Variants in ZNF626 observed in about 807,000 individuals in gnomAD.
ZNF626 encodes the protein CTC-513N18.7.
ZNF626 carries 4 observed loss-of-function variants against 11.7 expected under a neutral mutation model. That is an observed-to-expected ratio of 0.34 (90% CI 0.17 to 0.78). The LOEUF is 0.78. Ranked by LOEUF, ZNF626 falls within the 30% of genes least tolerant of loss-of-function variation. The pLI, the probability that ZNF626 is intolerant of heterozygous loss-of-function variation, is 0.57. For missense variants in ZNF626, 588 were observed against 587.1 expected (o/e 1.00, Z -0.01); for synonymous variants, 179 against 198.6 (o/e 0.90, Z 0.83).
At chr19:20,636,627 C>A (rs566036088) in intron 3 of ZNF626, among the ~76,000 whole-genome samples, 23 of 150,890 alleles carry the variant, frequency 1.5e-4, no homozygotes, top group Non-Finnish European at 3.1e-4. Context: ...ACCAGTAATA[C>A]TCGATTCAAA....
chr19:20,626,200 T>C (rs1234552469), intron 3 of ZNF626, among the ~76,000 whole-genome samples: 1 of 152,044 alleles, frequency 6.6e-6, no homozygotes, highest in African/African-American at 2.4e-5. Flanking sequence ...AGGTGGAGGT[T>C]ACAGTGAGCT....
intron 3 of ZNF626, among the ~76,000 whole-genome samples, chr19:20,632,197 G>A (rs1414249222): frequency 6.6e-6 from 1 of 152,156 alleles, no homozygotes; most frequent in Non-Finnish European, 1.5e-5. Context: ...GATAACCCGA[G>A]CTTTCTCTCT....
intron 3 of ZNF626, among the ~76,000 whole-genome samples, chr19:20,627,953 C>T (rs1969859008): frequency 1.3e-5 from 2 of 152,210 alleles, no homozygotes; most frequent in East Asian, 1.9e-4. Flanking sequence ...CAACAGTCCC[C>T]GGTGTGTGAT....
At chr19:20,648,365 C>A (rs1180859995) in intron 1 of ZNF626, among the ~76,000 whole-genome samples, 1 of 133,234 alleles carries the variant, frequency 7.5e-6, no homozygotes. Flanking sequence ...GCATTTTCTT[C>A]TTCTTCTTCT....
chr19:20,625,625 G>A lies in ZNF626; in HGVS notation c.252C>T (p.Asp84=), dbSNP rs1555769572. 7.7e-6 allele frequency: 12 copies of A among 1,552,056 alleles called. No homozygotes were observed. Among genetic ancestry groups the A allele is most frequent in the South Asian group, 1.3e-5 (1 of 79,460 alleles). The change falls in exon 4 of 4, where the codon GAC becomes GAT. Residue 84 remains aspartate (D), a synonymous_variant. Transcript: ENST00000601440. The stretch of plus-strand genomic sequence containing the variant: ...CTTTCATGCTCTGCTCTGGCCAAAG[G>A]TCTTGGGCAAAATGAGAACACATTA... ...PSVMCSHFAQ[D]LWPEQSMKDS... is the part of the protein sequence containing the mutation.
Position 20,624,635 on chromosome 19 carries a change from T to C in ZNF626, c.1242A>G (p.Thr414=), listed in dbSNP as rs946968475. 1 of 1,590,466 alleles carries C rather than the reference T, an allele frequency of 6.3e-7. No homozygotes were observed. The highest frequency in any genetic ancestry group is 8.6e-7 in the Non-Finnish European group (1 of 1,164,070). The change falls in exon 4 of 4, where the codon ACA becomes ACG. Residue 414 remains threonine, a synonymous_variant. Coordinates refer to ENST00000601440, the MANE Select transcript of ZNF626 (RefSeq NM_001076675.3). ...KAFKYSSNLT[T]HKKIHTGERP... ...TCTCTCCAGTATGAATTTTCTTATG[T>C]GTAGTAAGGTTAGAGGAGTACTTAA...
At chr19:20,646,668 A>T (rs1970082434) in intron 1 of ZNF626, among the ~76,000 whole-genome samples, 2 of 152,232 alleles carry the variant, frequency 1.3e-5, no homozygotes, top group Admixed American at 6.5e-5. Flanking sequence ...GAACAGGAAC[A>T]TGTAAATTTT....
At chr19:20,634,871 A>G (rs1555770786) in intron 3 of ZNF626, among the ~76,000 whole-genome samples, 1 of 152,140 alleles carries the variant, frequency 6.6e-6, no homozygotes, top group African/African-American at 2.4e-5. Flanking sequence ...TCAAAAAGCT[A>G]CAGAATTAAA....
chr19:20,648,831 C>G lies in ZNF626; in HGVS notation c.4-2426G>C, dbSNP rs914929828. 2.0e-5 allele frequency among the ~76,000 whole-genome samples: 3 copies of G among 152,174 alleles called. No individual in the cohort carries two copies. The South Asian group carries it at 6.2e-4, about 32-fold the overall frequency. ...CCATGTTCAACAGCCACAAAGGGAA[C>G]ATTTTTAATATTGCAGATCATAAAT... On this transcript the variant is annotated intron_variant, in intron 1 of 3. Coordinates refer to ENST00000601440, the MANE Select transcript of ZNF626 (RefSeq NM_001076675.3).
chr19:20,633,286 G>A (rs1468586589), intron 3 of ZNF626, among the ~76,000 whole-genome samples: 1 of 151,978 alleles, frequency 6.6e-6, no homozygotes, highest in Non-Finnish European at 1.5e-5. Flanking sequence ...GCTGCATGCT[G>A]GGAGAACCAC....
intron 3 of ZNF626, among the ~76,000 whole-genome samples, chr19:20,632,263 T>A (rs1156950388): frequency 6.6e-6 from 1 of 152,166 alleles, no homozygotes; most frequent in Non-Finnish European, 1.5e-5. Context: ...GACAATTATG[T>A]GTCTTGGAAT....
chr19:20,634,964 G>A (rs1969951008), intron 3 of ZNF626, among the ~76,000 whole-genome samples: 1 of 152,176 alleles, frequency 6.6e-6, no homozygotes, highest in Non-Finnish European at 1.5e-5. Context: ...CATAATTATT[G>A]CAGCATTGTT....
chr19:20,647,014 T>C (rs1970087410), intron 1 of ZNF626, among the ~76,000 whole-genome samples: 1 of 143,542 alleles, frequency 7.0e-6, no homozygotes, highest in South Asian at 2.2e-4. Flanking sequence ...CACCCGGTAA[T>C]TTTTTTCGTA....
In ZNF626 at chr19:20,622,744, ACT is replaced by A. The variant is rs1233314618; in HGVS notation, c.*1544_*1545del. 9 of 151,986 alleles carry A rather than the reference ACT, an allele frequency of 5.9e-5. No individual in the cohort carries two copies. Among genetic ancestry groups the A allele is most frequent in the African/African-American group, 9.7e-5 (4 of 41,384 alleles). 9.4% of individuals were successfully genotyped at this position (151,986 alleles called of 1,614,324 possible). ...TTGTGAATTCATTTATATACTCAAC[ACT>A]CTTATTTAATGTAATGTCTGAAGTG... On this transcript the variant is annotated 3_prime_UTR_variant, in exon 4 of 4. Transcript: ENST00000601440.
chr19:20,627,280 G>C (rs1555769879), intron 3 of ZNF626, among the ~76,000 whole-genome samples: 5 of 151,706 alleles, frequency 3.3e-5, no homozygotes, highest in Admixed American at 6.6e-5. Flanking sequence ...AAAAATCATA[G>C]ATAAGAAGAG....
chr19:20,645,242 A>C (rs899421303), intron 3 of ZNF626: 50 of 1,403,748 alleles, frequency 3.6e-5, no homozygotes, highest in Non-Finnish European at 4.6e-5. Flanking sequence ...CTGTGCAGAA[A>C]AATGAACAAA....
chr19:20,647,433 A>C (rs1970092159), intron 1 of ZNF626, among the ~76,000 whole-genome samples: 1 of 151,974 alleles, frequency 6.6e-6, no homozygotes, highest in Non-Finnish European at 1.5e-5. Flanking sequence ...GAGATCTTTA[A>C]CCAATTAATT....
Position 20,640,672 on chromosome 19 carries a change from C to T in ZNF626, c.226+5012G>A, listed in dbSNP as rs540480493. 2.8e-5 allele frequency among the ~76,000 whole-genome samples: 4 copies of T among 144,780 alleles called. No homozygotes were observed. The South Asian group carries it at 6.5e-4, about 23-fold the overall frequency. 95.0% of individuals were successfully genotyped at this position (144,780 alleles called of 152,430 possible). A position where few individuals can be genotyped will look rare whatever the true frequency, so the allele number is the denominator to read the frequency against. On this transcript the variant is annotated intron_variant, in intron 3 of 3. Coordinates refer to ENST00000601440, the MANE Select transcript of ZNF626 (RefSeq NM_001076675.3). ...TATAGAGAAATGAAAAAAAAAAACA[C>T]AATGACAAACAAAATCACCTCACAC...
At chr19:20,625,957 T>A (rs1450643930) in intron 3 of ZNF626, among the ~76,000 whole-genome samples, 2 of 152,172 alleles carry the variant, frequency 1.3e-5, no homozygotes, top group African/African-American at 4.8e-5. Context: ...CAGTATAACA[T>A]TGTGCCTTTA....
Sources: allele counts gnomAD v4.1 joint callset (sites outside exome capture counted in the v4.1 genomes callset), GRCh38; gene constraint gnomAD v4.1.1; transcripts MANE v1.5; gene names NCBI Gene and HGNC (gene_info 2026-07-23, HGNC 2026-07-21).